Variants in TMEM67 observed in about 807,000 individuals in gnomAD.
TMEM67 encodes transmembrane protein 67.
In TMEM67, 124 loss-of-function variants were observed where a neutral mutation model predicts 136.6. That is an observed-to-expected ratio of 0.91 (90% CI 0.78 to 1.05). The LOEUF is 1.05. Ranked by LOEUF, TMEM67 falls within the 50% of genes least tolerant of loss-of-function variation. The pLI, the probability that TMEM67 is intolerant of heterozygous loss-of-function variation, is 0.00. For synonymous variants in TMEM67, 364 were observed against 390.5 expected (o/e 0.93, Z 0.80); for missense variants, 1,107 against 1,178.4 (o/e 0.94, Z 0.89).
chr8:93,761,069 G>A (rs1226028355), intron 3 of TMEM67, among the ~76,000 whole-genome samples: 2 of 152,126 alleles, frequency 1.3e-5, no homozygotes, highest in African/African-American at 4.8e-5. Context: ...CAGCACTTTG[G>A]GAGGCCGAGG....
intron 2 of TMEM67, 178 bp downstream of exon 2, chr8:93,756,044 A>G (rs1563673754): frequency 2.0e-6 from 1 of 497,306 alleles, no homozygotes; most frequent in South Asian, 3.4e-5. Flanking sequence ...GCAAACTTGG[A>G]GAAAACAGAA....
At chr8:93,788,344 C>T (rs1459313523) in intron 14 of TMEM67, among the ~76,000 whole-genome samples, 1 of 152,144 alleles carries the variant, frequency 6.6e-6, no homozygotes, top group African/African-American at 2.4e-5. Flanking sequence ...GCGGGCAGAT[C>T]ATGAAGCCAG....
intron 7 of TMEM67, among the ~76,000 whole-genome samples, chr8:93,775,237 T>C (rs1005986642): frequency 2.6e-5 from 4 of 152,248 alleles, no homozygotes; most frequent in African/African-American, 9.6e-5. Context: ...AAGTTCTTTG[T>C]AGATTCTGGA....
chr8:93,820,368 T>G (rs980873887), downstream of TMEM67, among the ~76,000 whole-genome samples: 10 of 152,104 alleles, frequency 6.6e-5, no homozygotes, highest in African/African-American at 2.4e-4. Context: ...CATTAAAGGT[T>G]TTTATGTTGG....
At chr8:93,814,579 A>G (rs1230105523) in intron 26 of TMEM67, among the ~76,000 whole-genome samples, 1 of 151,052 alleles carries the variant, frequency 6.6e-6, no homozygotes, top group Non-Finnish European at 1.5e-5. Context: ...CAGTCCTCCC[A>G]TCTCAGCTTC....
chr8:93,782,389 C>G lies in TMEM67; in HGVS notation c.1066-6C>G. 1.9e-6 allele frequency: 3 copies of G among 1,608,222 alleles called. No individual in the cohort carries two copies. The highest frequency in any genetic ancestry group is 2.6e-6 in the Non-Finnish European group (3 of 1,175,316). Reference sequence around the variant, plus strand: ...GAGATTTATCTGTTGTATTATTTTGCTGCAGCTTTGTCCAGACACAGAGAC... The same window carrying G: ...GAGATTTATCTGTTGTATTATTTTGGTGCAGCTTTGTCCAGACACAGAGAC... On this transcript the variant is annotated splice_polypyrimidine_tract_variant and splice_region_variant and intron_variant, in intron 10 of 27. Transcript: ENST00000453321.
Position 93,795,424 on chromosome 8 carries a change from T to C in TMEM67, c.1690T>C (p.Leu564=), listed in dbSNP as rs950429653. ...MIDLQTVVKF[L]VYYAGDLANV... Reference sequence around the variant, plus strand: ...TAAATTGCAGACAGTTGTGAAATTCTTGGTGTACTATGCTGGTGATCTGGC... The same window carrying C: ...TAAATTGCAGACAGTTGTGAAATTCCTGGTGTACTATGCTGGTGATCTGGC... The change falls in exon 17 of 28, where the codon TTG becomes CTG. Residue 564 remains leucine (L), a synonymous_variant. Transcript: ENST00000453321. The C allele has an allele frequency of 6.2e-7, 1 of 1,614,106 alleles. No homozygotes were observed.
downstream of TMEM67, among the ~76,000 whole-genome samples, chr8:93,823,238 G>GGAA (rs1809065376): frequency 6.6e-6 from 1 of 152,128 alleles, no homozygotes; most frequent in South Asian, 2.1e-4. Flanking sequence ...GAGGCTCTAA[G>GGAA]GAAGACCCCC....
In TMEM67 at chr8:93,782,476, A is replaced by G; in HGVS notation, c.1131+16A>G. ...CCAACAAAATGTAAGTTTGAACGAT[A>G]TTAGTCTATATTTTAGCTTTATTTT... is the stretch of plus-strand genomic sequence containing the variant. On this transcript the variant is annotated intron_variant, in intron 11 of 27. Coordinates refer to ENST00000453321, the MANE Select transcript of TMEM67 (RefSeq NM_153704.6). 6.3e-7 allele frequency: 1 copy of G among 1,588,684 alleles called. No individual in the cohort carries two copies. The highest frequency in any genetic ancestry group is 1.1e-5 in the South Asian group (1 of 90,412).
At chr8:93,822,866 C>T (rs1295322821), downstream of TMEM67, among the ~76,000 whole-genome samples, 1 of 152,196 alleles carries the variant, frequency 6.6e-6, no homozygotes, top group Non-Finnish European at 1.5e-5. Flanking sequence ...AGGAATCTTC[C>T]TTCATTTTAA....
At position 93,793,207 on chromosome 8, in the gene TMEM67, G is replaced by T; in HGVS notation, c.1585G>T (p.Gly529Cys). The change falls in exon 16 of 28, where the codon GGT becomes TGT. Residue 529 changes from glycine (G) to cysteine (C), a missense_variant. By Grantham distance (159) the Gly-to-Cys change is radical. Around this residue, in one of 3 missense-constraint regions of TMEM67, gnomAD observed 925 missense variants for 1,002.4 expected, o/e 0.92. Coordinates refer to ENST00000453321, the MANE Select transcript of TMEM67 (RefSeq NM_153704.6). ...EAHVQTDIAL[G>C]VLGGLAVLAS... ...TTCTTTTGTTTTTTAGATTGCTTTG[G>T]GTGTATTGGGTGGGCTAGCTGTTTT... 1 of 1,613,858 alleles carries T rather than the reference G, an allele frequency of 6.2e-7. No homozygotes were observed. Among genetic ancestry groups the T allele is most frequent in the Non-Finnish European group, 8.5e-7 (1 of 1,179,826 alleles).
At chr8:93,831,025 G>T in the TMEM67 span, among the ~76,000 whole-genome samples, 10 of 152,316 alleles carry the variant, frequency 6.6e-5, no homozygotes, top group Non-Finnish European at 1.3e-4. Flanking sequence ...ATGAAGCCAG[G>T]TCCTTGAGAC....
chr8:93,810,705 T>C (rs927701296), intron 26 of TMEM67, among the ~76,000 whole-genome samples: 4 of 152,180 alleles, frequency 2.6e-5, no homozygotes, highest in Non-Finnish European at 2.9e-5. Flanking sequence ...TACAAGATTC[T>C]ATAAGAAAGT....
intron 7 of TMEM67, among the ~76,000 whole-genome samples, chr8:93,773,869 T>G (rs1446982216): frequency 6.6e-6 from 1 of 152,200 alleles, no homozygotes. Context: ...TTCTTTCAGT[T>G]TCTTGTCTTT....
chr8:93,779,762 C>G (rs1813724160), intron 7 of TMEM67, among the ~76,000 whole-genome samples: 1 of 152,082 alleles, frequency 6.6e-6, no homozygotes, highest in Non-Finnish European at 1.5e-5. Context: ...CCCAGAGGGG[C>G]GCCCACCTGT....
chr8:93,783,866 G>A (rs78724795), intron 11 of TMEM67, among the ~76,000 whole-genome samples: 1 of 152,166 alleles, frequency 6.6e-6, no homozygotes, highest in Admixed American at 6.5e-5. Context: ...GAGGGTAACT[G>A]CCCCTATGAT....
intron 10 of TMEM67, 148 bp downstream of exon 10, chr8:93,781,892 GT>G: frequency 1.9e-6 from 1 of 515,342 alleles, no homozygotes; most frequent in African/African-American, 2.0e-5. Flanking sequence ...ACTTTCTTAA[GT>G]TTTTTGTTTG....
chr8:93,810,337 T>C (rs1253921364), intron 26 of TMEM67, among the ~76,000 whole-genome samples: 2 of 150,748 alleles, frequency 1.3e-5, no homozygotes, highest in Non-Finnish European at 3.0e-5. Flanking sequence ...TCCCAGCACT[T>C]TGGGAGGCCG....
chr8:93,759,121 A>T (rs1812707470), intron 3 of TMEM67: 1 of 152,316 alleles, frequency 6.6e-6, no homozygotes, highest in South Asian at 2.1e-4. Flanking sequence ...TGTTAATGTC[A>T]GGACCTGGAA....
Sources: allele counts gnomAD v4.1 joint callset (sites outside exome capture counted in the v4.1 genomes callset), GRCh38; gene constraint gnomAD v4.1.1; regional missense constraint gnomAD v4.1.1; transcripts MANE v1.5; gene names NCBI Gene and HGNC (gene_info 2026-07-23, HGNC 2026-07-21).